ABCC6: variants seen among roughly 807,000 people sequenced by gnomAD.
The protein encoded by ABCC6 is ATP-binding cassette sub-family C member 6.
ABCC6 carries 126 observed loss-of-function variants against 169.5 expected under a neutral mutation model. The observed-to-expected ratio is 0.74, with a 90% confidence interval of 0.64 to 0.86. The LOEUF (loss-of-function observed/expected upper bound fraction) is 0.86, where lower values mean the gene tolerates loss of function less well. Ranked by LOEUF, ABCC6 falls within the 40% of genes least tolerant of loss-of-function variation. The pLI is 0.00. For missense variants in ABCC6, 1,733 were observed against 1,927.2 expected, an observed-to-expected ratio of 0.90 and a Z score of 1.89; for synonymous variants, 752 against 814.7, an observed-to-expected ratio of 0.92 and a Z score of 1.31.
At chr16:16,221,318 T>A in intron 2 of ABCC6, 2 of 1,383,844 alleles carry the variant, frequency 1.4e-6, no homozygotes, top group Non-Finnish European at 1.9e-6. Context: ...TTCATCCTAA[T>A]GTGGCTCTAA....
rs371889155 is a variant in ABCC6, at chr16:16,165,635, G to T, written c.3294C>A (p.Tyr1098Ter). Reference sequence around the variant, plus strand: ...GACCTCTCCGTACCTGAAACCCAGCGTAGAGGAGAAACAGTGGCAGGATGG... The same window carrying T: ...GACCTCTCCGTACCTGAAACCCAGCTTAGAGGAGAAACAGTGGCAGGATGG... ...TVAILPLFLL[Y>*]AGFQSLYVVS... is the part of the protein sequence containing the mutation. The change falls in exon 23 of 31, where the codon TAC (tyrosine) becomes TAA (stop). Residue 1098 changes from tyrosine to a stop codon, truncating the protein, a stop_gained. Coordinates refer to ENST00000205557, the MANE Select transcript of ABCC6 (RefSeq NM_001171.6). LOFTEE classifies it high-confidence loss of function. 1 of 1,613,166 alleles carries T rather than the reference G, an allele frequency of 6.2e-7. No individual in the cohort carries two copies. The highest frequency in any genetic ancestry group is 8.5e-7 in the Non-Finnish European group (1 of 1,180,016).
chr16:16,182,607 T>G lies in ABCC6; in HGVS notation c.2071-19A>C, dbSNP rs753760945. On this transcript the variant is annotated intron_variant, in intron 16 of 30. Transcript: ENST00000205557. The stretch of plus-strand genomic sequence containing the variant: ...CAGCACCCTAAAACACAACTTACTT[T>G]GGTCACAGGAGGATGATGGGGACAG... The G allele has an allele frequency of 3.7e-6, 6 of 1,609,832 alleles. No homozygotes were observed. The highest frequency in any genetic ancestry group is 4.2e-6 in the Non-Finnish European group (5 of 1,177,030).
chr16:16,150,902 G>A (rs956708011), intron 29 of ABCC6, 130 bp from the exon 30 acceptor site: 29 of 1,507,740 alleles, frequency 1.9e-5, no homozygotes, highest in Non-Finnish European at 2.5e-5. Flanking sequence ...CCCCACACAT[G>A]GGGTCTGGGG....
chr16:16,154,028 C>A (rs1482266401), intron 29 of ABCC6, among the ~76,000 whole-genome samples: 1 of 151,946 alleles, frequency 6.6e-6, no homozygotes, highest in East Asian at 1.9e-4. Context: ...CGGCTCACTG[C>A]AACCTTCGCC....
At chr16:16,179,512 G>A (rs1187907734) in intron 17 of ABCC6, among the ~76,000 whole-genome samples, 3 of 152,154 alleles carry the variant, frequency 2.0e-5, no homozygotes, top group African/African-American at 7.2e-5. Context: ...GGGGCAGGGG[G>A]ATGGCCCGGG....
At chr16:16,221,032 T>C (rs1042718280) in intron 2 of ABCC6, among the ~76,000 whole-genome samples, 1 of 152,050 alleles carries the variant, frequency 6.6e-6, no homozygotes, top group African/African-American at 2.4e-5. Context: ...TCAAATACTG[T>C]GTACCGCTTG....
At chr16:16,164,760 A>AT (rs2046826013) in intron 23 of ABCC6, among the ~76,000 whole-genome samples, 1 of 152,152 alleles carries the variant, frequency 6.6e-6, no homozygotes, top group Non-Finnish European at 1.5e-5. Flanking sequence ...CCCACATAGT[A>AT]TCTGAGGCAG....
At chr16:16,152,242 C>T (rs1190351983) in intron 29 of ABCC6, among the ~76,000 whole-genome samples, 2 of 138,312 alleles carry the variant, frequency 1.4e-5, no homozygotes, top group Non-Finnish European at 3.1e-5. Context: ...CAGAATAAGC[C>T]CTTGGCATGG....
Position 16,165,969 on chromosome 16 carries a change from G to C in ABCC6, c.2996-36C>G. ...AGAGGAGGTAAGAGCATGAGGGCTG[G>C]AGACCCTCAGGAGCGGCCCACGGGG... On this transcript the variant is annotated intron_variant, in intron 22 of 30. Coordinates refer to ENST00000205557, the MANE Select transcript of ABCC6 (RefSeq NM_001171.6). The C allele has an allele frequency of 1.9e-6, 3 of 1,603,130 alleles. No homozygotes were observed. In the African/African-American group the frequency reaches 4.0e-5, roughly 21 times the overall value.
intron 7 of ABCC6, among the ~76,000 whole-genome samples, chr16:16,206,788 G>A (rs1176416257): frequency 1.3e-5 from 2 of 152,100 alleles, no homozygotes; most frequent in Non-Finnish European, 2.9e-5. Flanking sequence ...GTTGGCAGAG[G>A]CTCCTTCCAG....
rs775802572 is a variant in ABCC6 at position 16,198,056 on chromosome 16, C to T, written c.1303G>A (p.Val435Ile). The change falls in exon 10 of 31, where the codon GTC becomes ATC. Residue 435 changes from valine (V) to isoleucine (I), a missense_variant. This residue lies in a region of ABCC6 where 1,601 missense variants were observed against 1,635.5 expected (regional missense o/e 0.98). Transcript: ENST00000205557. ...TAGACGAAGCAGACCACGATCCAGA[C>T]GAGAGGCAGCCACAGCCCGTTGAGG... ...LYLNGLWLPLVWIVVCFVYLW... is the reference protein window; with the variant it reads ...LYLNGLWLPLIWIVVCFVYLW... The T allele has an allele frequency of 1.7e-5, 27 of 1,613,998 alleles. No individual in the cohort carries two copies. Among genetic ancestry groups the T allele is most frequent in the Admixed American group, 6.7e-5 (4 of 59,998 alleles).
intron 29 of ABCC6, 105 bp from the exon 30 acceptor site, chr16:16,150,877 C>A (rs1034992764): frequency 2.3e-5 from 36 of 1,537,326 alleles, no homozygotes; most frequent in Non-Finnish European, 2.9e-5. Flanking sequence ...GAGTGAGGTG[C>A]CTGTGTTCAG....
At position 16,203,450 on chromosome 16, in the gene ABCC6, T is replaced by A; in HGVS notation, c.958A>T (p.Ile320Phe). 1 of 1,613,906 alleles carries A rather than the reference T, an allele frequency of 6.2e-7. No homozygotes were observed. Among genetic ancestry groups the A allele is most frequent in the Non-Finnish European group, 8.5e-7 (1 of 1,179,860 alleles). ...TFLLGTLSLI[I>F]SDVFRFTVPK... ...ACAGTGAACCTGAAGACATCACTGA[T>A]GATGAGGCTGAGGGTCCCCAGGAGG... is the stretch of plus-strand genomic sequence containing the variant. The change falls in exon 8 of 31, where the codon ATC becomes TTC. Residue 320 changes from isoleucine to phenylalanine, a missense_variant. Physicochemically the swap from Ile to Phe is conservative, Grantham distance 21 (BLOSUM62 0). Transcript: ENST00000205557.
chr16:16,182,293 C>A, intron 17 of ABCC6, 119 bp downstream of exon 17: 1 of 1,355,132 alleles, frequency 7.4e-7, no homozygotes, highest in South Asian at 1.2e-5. Context: ...CCCTTTTTCT[C>A]CGCTACTTCC....
At chr16:16,170,943 AAAGAAAGAAAG>A (rs2047045536) in intron 21 of ABCC6, among the ~76,000 whole-genome samples, 2 of 93,068 alleles carry the variant, frequency 2.1e-5, no homozygotes, top group Non-Finnish European at 3.9e-5. Context: ...AAAAAAAAAG[AAAGAAAGAAAG>A]AAAGAAAGAA....
intron 12 of ABCC6, among the ~76,000 whole-genome samples, chr16:16,189,552 G>C (rs2047771320): frequency 6.6e-6 from 1 of 151,932 alleles, no homozygotes; most frequent in African/African-American, 2.4e-5. Flanking sequence ...CAAGTAGCTG[G>C]GATTACAGGC....
intron 4 of ABCC6, among the ~76,000 whole-genome samples, chr16:16,214,997 A>T (rs1374651624): frequency 6.6e-6 from 1 of 152,200 alleles, no homozygotes; most frequent in South Asian, 2.1e-4. Context: ...CCTTAGCCAC[A>T]TGATGATTGG....
At chr16:16,176,735 A>G (rs1261602148) in intron 19 of ABCC6, among the ~76,000 whole-genome samples, 2 of 152,222 alleles carry the variant, frequency 1.3e-5, no homozygotes, top group Non-Finnish European at 2.9e-5. Context: ...CTCTGGAATC[A>G]AGTTGCTTGG....
chr16:16,214,332 G>C lies in ABCC6; in HGVS notation c.592C>G (p.Gln198Glu), dbSNP rs2048768723. The change falls in exon 5 of 31, where the codon CAG becomes GAG. Residue 198 changes from glutamine to glutamate, a missense_variant. Transcript: ENST00000205557. ...DQPPFFPEDP[Q>E]QSNPCPETGA... The stretch of plus-strand genomic sequence containing the variant: ...GGAACTTGGTGACTTACAGACTGCT[G>C]GGGGTCTTCAGGGAAGAAGGGGGGT... 1.9e-6 allele frequency: 3 copies of C among 1,550,738 alleles called. No individual in the cohort carries two copies. In the East Asian group the frequency reaches 7.3e-5, roughly 38 times the overall value.
Sources: gnomAD v4.1 joint callset for allele counts (sites outside exome capture counted in the v4.1 genomes callset) on GRCh38, gnomAD v4.1.1 for gene constraint, gnomAD v4.1.1 regional missense constraint, MANE v1.5 for transcripts, NCBI Gene and HGNC (gene_info 2026-07-23, HGNC 2026-07-21) for gene names.